Variants in PON3 observed in about 807,000 individuals in gnomAD.
PON3 encodes paraoxonase 3.
Under a neutral mutation model 36.3 loss-of-function variants are expected in PON3, and 37 were observed. The ratio of observed to expected loss-of-function variants is 1.02; its 90% CI spans 0.78 to 1.34. The LOEUF is 1.34. PON3 is among the 40% of genes most tolerant of loss of function. PON3 has a pLI of 0.00. For synonymous variants in PON3, 155 were observed against 154.8 expected (o/e 1.00, Z -0.01); for missense variants, 415 against 426.5 (o/e 0.97, Z 0.24).
At chr7:95,370,199 C>A (rs1289330971) in intron 4 of PON3, among the ~76,000 whole-genome samples, 1 of 152,206 alleles carries the variant, frequency 6.6e-6, no homozygotes, top group East Asian at 1.9e-4. Context: ...GGGACATAAT[C>A]AGATTTGCAT....
intron 2 of PON3, among the ~76,000 whole-genome samples, chr7:95,390,811 G>T (rs1041839206): frequency 6.6e-6 from 1 of 152,068 alleles, no homozygotes; most frequent in African/African-American, 2.4e-5. Flanking sequence ...TATGGAAAGA[G>T]ACATATAATA....
At chr7:95,380,312 A>C (rs568409670) in intron 3 of PON3, among the ~76,000 whole-genome samples, 17 of 152,356 alleles carry the variant, frequency 1.1e-4, no homozygotes, top group African/African-American at 3.8e-4. Context: ...CCTCCAAACG[A>C]ATGCAGCTCC....
chr7:95,384,839 C>A (rs964458442), intron 3 of PON3, among the ~76,000 whole-genome samples: 2 of 152,168 alleles, frequency 1.3e-5, no homozygotes. Context: ...TTGACCCAGC[C>A]ATCCCATTAC....
Position 95,367,488 on chromosome 7 carries a change from T to G in PON3, c.368A>C (p.Asp123Ala), listed in dbSNP as rs1313988264. 1 of 1,612,806 alleles carries G rather than the reference T, an allele frequency of 6.2e-7. No individual in the cohort carries two copies. The highest frequency in any genetic ancestry group is 1.1e-5 in the South Asian group (1 of 91,060). Residue 123 changes from aspartate to alanine, a missense_variant and splice_region_variant, in exon 5 of 9, where the codon GAC becomes GCC. Transcript: ENST00000265627. ...PHGISIFIDK[D>A]NTVYLYVVNH... ...CACAACATAAAGATACACAGTATTG[T>G]CTACATGGAAAAAAGGGATAATTTC...
At chr7:95,362,200 C>A (rs532230660) in intron 8 of PON3, among the ~76,000 whole-genome samples, 162 bp downstream of exon 8, 1 of 152,180 alleles carries the variant, frequency 6.6e-6, no homozygotes, top group East Asian at 1.9e-4. Flanking sequence ...AAAGAGTTAA[C>A]GAACCTTATC....
intron 4 of PON3, among the ~76,000 whole-genome samples, chr7:95,367,812 T>C (rs1808731951): frequency 6.6e-6 from 1 of 152,210 alleles, no homozygotes; most frequent in Non-Finnish European, 1.5e-5. Context: ...TAAACAGGGA[T>C]GTGGTTTCCC....
chr7:95,378,759 A>C (rs1426456478), intron 3 of PON3, among the ~76,000 whole-genome samples: 1 of 152,218 alleles, frequency 6.6e-6, no homozygotes, highest in African/African-American at 2.4e-5. Context: ...GGAAGCACTA[A>C]ACATGGAAAG....
intron 1 of PON3, among the ~76,000 whole-genome samples, chr7:95,395,217 T>C (rs1445695938): frequency 2.0e-5 from 3 of 152,202 alleles, no homozygotes; most frequent in African/African-American, 4.8e-5. Context: ...ACTCCGCAAG[T>C]ATGTAAATTC....
intron 3 of PON3, among the ~76,000 whole-genome samples, chr7:95,378,124 T>C (rs1269147075): frequency 1.3e-5 from 2 of 152,056 alleles, no homozygotes; most frequent in East Asian, 1.9e-4. Context: ...CAAGCTTCAA[T>C]AGCCGATTTG....
intron 3 of PON3, among the ~76,000 whole-genome samples, chr7:95,373,887 AAGGAACAAC>A (rs1808861188): frequency 6.6e-6 from 1 of 152,150 alleles, no homozygotes; most frequent in South Asian, 2.1e-4. Flanking sequence ...TGGGCCTTAC[AAGGAACAAC>A]AGGAGGTGAG....
chr7:95,372,025 T>C, intron 4 of PON3, 148 bp downstream of exon 4: 1 of 1,006,210 alleles, frequency 9.9e-7, no homozygotes. Flanking sequence ...GTTTACAAGG[T>C]TTTATACCTA....
chr7:95,372,479 G>C (rs1302807430), intron 3 of PON3, 141 bp from the exon 4 acceptor site: 7 of 919,260 alleles, frequency 7.6e-6, no homozygotes, highest in Non-Finnish European at 1.1e-5. Context: ...CACTCTGTCA[G>C]CTGTTTCCAT....
intron 3 of PON3, among the ~76,000 whole-genome samples, chr7:95,383,609 T>A (rs1179802451): frequency 6.6e-6 from 1 of 152,024 alleles, no homozygotes; most frequent in Non-Finnish European, 1.5e-5. Flanking sequence ...CACAATTGCT[T>A]CAAAGAGAAT....
chr7:95,360,499 A>C (rs1167488685), intron 8 of PON3, among the ~76,000 whole-genome samples: 2 of 152,208 alleles, frequency 1.3e-5, no homozygotes, highest in Non-Finnish European at 2.9e-5. Context: ...AAGACAAAAT[A>C]ATGAAGAAAC....
chr7:95,370,344 C>A (rs1808784589), intron 4 of PON3, among the ~76,000 whole-genome samples: 1 of 151,858 alleles, frequency 6.6e-6, no homozygotes, highest in Non-Finnish European at 1.5e-5. Flanking sequence ...GAGAGATGGA[C>A]AGATATTTCA....
intron 5 of PON3, chr7:95,365,528 T>C (rs1458764227): frequency 1.3e-5 from 2 of 152,270 alleles, no homozygotes; most frequent in Non-Finnish European, 2.9e-5. Context: ...CTTACGCTGA[T>C]TACTGGAGGA....
At chr7:95,372,380 A>G in intron 3 of PON3, 42 bp from the exon 4 acceptor site, 2 of 1,583,282 alleles carry the variant, frequency 1.3e-6, no homozygotes, top group Middle Eastern at 1.7e-4. Context: ...TATACATATC[A>G]AAACAATATT....
intron 1 of PON3, 22 bp from the exon 2 acceptor site, chr7:95,394,736 C>A (rs756101512): frequency 6.2e-7 from 1 of 1,604,540 alleles, no homozygotes; most frequent in Non-Finnish European, 8.5e-7. Context: ...AAAACCCAAC[C>A]CTGGAAGTCA....
chr7:95,380,967 C>G (rs55916916), intron 3 of PON3, among the ~76,000 whole-genome samples: 2 of 152,072 alleles, frequency 1.3e-5, no homozygotes, highest in Non-Finnish European at 2.9e-5. Flanking sequence ...GTCCAGTTAC[C>G]GACAAAGGGA....
Sources: allele counts gnomAD v4.1 joint callset (sites outside exome capture counted in the v4.1 genomes callset), GRCh38; gene constraint gnomAD v4.1.1; transcripts MANE v1.5; gene names NCBI Gene and HGNC (gene_info 2026-07-23, HGNC 2026-07-21).